PLXDC2: variants seen among roughly 807,000 people sequenced by gnomAD.
The protein encoded by PLXDC2 is plexin domain containing 2.
Under a neutral mutation model 68.9 loss-of-function variants are expected in PLXDC2, and 40 were observed. That is an observed-to-expected ratio of 0.58 (90% confidence interval 0.45 to 0.76). The LOEUF is 0.76. Ranked by LOEUF, PLXDC2 falls within the 30% of genes least tolerant of loss-of-function variation. The probability of loss-of-function intolerance (pLI) is 0.00; values close to 1 mark genes in which losing one functional copy is unlikely to be tolerated. For synonymous variants in PLXDC2, 243 were observed against 234.2 expected (o/e 1.04, Z -0.34); for missense variants, 644 against 661.9 (o/e 0.97, Z 0.30).
intron 2 of PLXDC2, among the ~76,000 whole-genome samples, chr10:20,015,695 A>G (rs1269088745): frequency 6.6e-6 from 1 of 152,082 alleles, no homozygotes; most frequent in Admixed American, 6.6e-5. Context: ...GATTAAAAAA[A>G]CACAGAGATC....
chr10:19,948,975 C>T (rs1363132803), intron 1 of PLXDC2, among the ~76,000 whole-genome samples: 1 of 151,660 alleles, frequency 6.6e-6, no homozygotes, highest in East Asian at 1.9e-4. Flanking sequence ...ACTAAAAATA[C>T]AAAAATTATC....
chr10:20,055,630 A>G (rs1835984847), intron 3 of PLXDC2, among the ~76,000 whole-genome samples: 1 of 152,078 alleles, frequency 6.6e-6, no homozygotes, highest in Admixed American at 6.6e-5. Flanking sequence ...GAGTTGCTTC[A>G]ATTCAAGTGA....
chr10:20,124,967 G>T (rs1173339536), intron 4 of PLXDC2, among the ~76,000 whole-genome samples: 1 of 151,932 alleles, frequency 6.6e-6, no homozygotes, highest in African/African-American at 2.4e-5. Flanking sequence ...GCTATGAGAG[G>T]GTAATATAGT....
At chr10:20,146,210 T>C (rs1210250125) in intron 5 of PLXDC2, among the ~76,000 whole-genome samples, 2 of 152,082 alleles carry the variant, frequency 1.3e-5, no homozygotes, top group Non-Finnish European at 2.9e-5. Context: ...GTTGTAGACA[T>C]GTGTGAAGGA....
intron 13 of PLXDC2, among the ~76,000 whole-genome samples, chr10:20,266,700 A>G (rs775533840): frequency 2.0e-5 from 3 of 152,174 alleles, no homozygotes; most frequent in Non-Finnish European, 4.4e-5. Context: ...ATGACTGATC[A>G]GTTCTCTTCT....
At chr10:20,268,148 A>G (rs1835894437) in intron 13 of PLXDC2, among the ~76,000 whole-genome samples, 1 of 152,112 alleles carries the variant, frequency 6.6e-6, no homozygotes, top group South Asian at 2.1e-4. Context: ...ATTAACTTTT[A>G]TTTTCCTGCT....
intron 10 of PLXDC2, among the ~76,000 whole-genome samples, chr10:20,213,196 C>A (rs1416660935): frequency 6.6e-6 from 1 of 151,936 alleles, no homozygotes; most frequent in East Asian, 1.9e-4. Flanking sequence ...TTGTCTTACA[C>A]GTCAAAATCT....
At chr10:20,271,854 A>C (rs1835945107) in intron 13 of PLXDC2, among the ~76,000 whole-genome samples, 1 of 152,160 alleles carries the variant, frequency 6.6e-6, no homozygotes, top group African/African-American at 2.4e-5. Flanking sequence ...GAAGGGATGG[A>C]AGTGGATATT....
At chr10:19,885,533 A>C (rs1837827485) in intron 1 of PLXDC2, among the ~76,000 whole-genome samples, 1 of 152,044 alleles carries the variant, frequency 6.6e-6, no homozygotes. Context: ...TTTTTGTGTA[A>C]GGTGTAAGGA....
At chr10:20,093,442 C>T (rs1326915906) in intron 4 of PLXDC2, among the ~76,000 whole-genome samples, 3 of 152,174 alleles carry the variant, frequency 2.0e-5, no homozygotes, top group Non-Finnish European at 4.4e-5. Context: ...TGGATTCCAC[C>T]CTTGCTGAGC....
chr10:19,840,799 A>G (rs1836889593), intron 1 of PLXDC2, among the ~76,000 whole-genome samples: 1 of 152,134 alleles, frequency 6.6e-6, no homozygotes, highest in Admixed American at 6.6e-5. Flanking sequence ...TTTGGTAAGG[A>G]GTGTATATAA....
At chr10:19,945,158 T>G (rs1279282399) in intron 1 of PLXDC2, among the ~76,000 whole-genome samples, 2 of 151,918 alleles carry the variant, frequency 1.3e-5, no homozygotes, top group Admixed American at 6.6e-5. Flanking sequence ...ATGTAAAGAG[T>G]CAGCTTTATG....
intron 2 of PLXDC2, among the ~76,000 whole-genome samples, chr10:20,023,116 G>A (rs1395666572): frequency 7.6e-6 from 1 of 130,904 alleles, no homozygotes; most frequent in Non-Finnish European, 1.6e-5. Context: ...AAATATATAT[G>A]TTTATATATA....
chr10:20,234,133 T>A (rs2778985), intron 12 of PLXDC2, among the ~76,000 whole-genome samples: 61,227 of 151,862 alleles, frequency 0.4, 12,619 homozygotes, highest in Middle Eastern at 0.5. Context: ...GGCCAGCAAA[T>A]CACAGAGTTT....
intron 9 of PLXDC2, among the ~76,000 whole-genome samples, chr10:20,180,222 G>T (rs76602565): frequency 0.011 from 1,679 of 151,908 alleles, 30 homozygotes; most frequent in African/African-American, 0.037. Context: ...ATCAAAGAAC[G>T]CTACTAAAAA....
intron 2 of PLXDC2, among the ~76,000 whole-genome samples, chr10:20,033,748 A>G (rs773330582): frequency 1.9e-4 from 29 of 152,282 alleles, no homozygotes; most frequent in Non-Finnish European, 3.2e-4. Flanking sequence ...CCTTCCCATG[A>G]CACTTGGGAA....
At chr10:19,877,191 A>G (rs1458890594) in intron 1 of PLXDC2, among the ~76,000 whole-genome samples, 2 of 151,558 alleles carry the variant, frequency 1.3e-5, no homozygotes, top group Non-Finnish European at 2.9e-5. Context: ...AGATAGAATG[A>G]GGAGAGAGAG....
intron 10 of PLXDC2, among the ~76,000 whole-genome samples, chr10:20,215,183 A>G (rs1835119455): frequency 6.6e-6 from 1 of 152,146 alleles, no homozygotes; most frequent in South Asian, 2.1e-4. Flanking sequence ...CATTGAGGAG[A>G]GGGTGTGTCA....
rs74540273 is a variant in PLXDC2, at chr10:19,887,669, A to G, written c.112+70478A>G. ...TTCACAAGTGTATGTCACACATGTA[A>G]AATCTAAATGTATTTCCTGTTGATC... On this transcript the variant is annotated intron_variant, in intron 1 of 13. Transcript: ENST00000377252. Among the ~76,000 whole-genome samples, 1,309 of 152,350 alleles carry G rather than the reference A, an allele frequency of 8.6e-3. 21 individuals carry two copies. The highest frequency in any genetic ancestry group is 0.03 in the African/African-American group (1,247 of 41,582).
Sources: gnomAD v4.1 joint callset for allele counts (sites outside exome capture counted in the v4.1 genomes callset) on GRCh38, gnomAD v4.1.1 for gene constraint, MANE v1.5 for transcripts, NCBI Gene and HGNC (gene_info 2026-07-23, HGNC 2026-07-21) for gene names.